BCAS4: variants seen among roughly 807,000 people sequenced by gnomAD.
The protein encoded by BCAS4 is breast carcinoma amplified sequence 4, also known as breast carcinoma-amplified sequence 4.
Under a neutral mutation model 15.7 loss-of-function variants are expected in BCAS4, and 9 were observed. That is an observed-to-expected ratio of 0.57 (90% CI 0.34 to 1.00). The LOEUF is 1.00. Ranked by LOEUF, BCAS4 falls within the 50% of genes least tolerant of loss-of-function variation. The pLI, the probability that BCAS4 is intolerant of heterozygous loss-of-function variation, is 0.02. For missense variants in BCAS4, 225 were observed against 239.1 expected, an observed-to-expected ratio of 0.94 and a Z score of 0.39; for synonymous variants, 101 against 99.5, an observed-to-expected ratio of 1.02 and a Z score of -0.09.
chr20:50,830,798 A>G (rs1028337165), intron 3 of BCAS4, among the ~76,000 whole-genome samples: 23 of 152,154 alleles, frequency 1.5e-4, no homozygotes, highest in African/African-American at 5.6e-4. Flanking sequence ...TACTGTGAGC[A>G]TTGATTGTGC....
intron 4 of BCAS4, among the ~76,000 whole-genome samples, chr20:50,862,151 C>T (rs1441046441): frequency 6.6e-6 from 1 of 151,964 alleles, no homozygotes; most frequent in East Asian, 1.9e-4. Context: ...TTCTTTCCTC[C>T]TTATCCCTCT....
At chr20:50,836,439 G>T (rs2088411523) in intron 3 of BCAS4, among the ~76,000 whole-genome samples, 2 of 152,204 alleles carry the variant, frequency 1.3e-5, no homozygotes, top group African/African-American at 4.8e-5. Flanking sequence ...TCATTGTGAG[G>T]ATTAAATGAG....
intron 2 of BCAS4, among the ~76,000 whole-genome samples, chr20:50,825,501 G>A (rs897082358): frequency 6.6e-6 from 1 of 152,208 alleles, no homozygotes; most frequent in Non-Finnish European, 1.5e-5. Context: ...GTAAACCTCT[G>A]GGCAGATATA....
At chr20:50,875,728 G>A (rs1568689855) in intron 4 of BCAS4, among the ~76,000 whole-genome samples, 1 of 151,882 alleles carries the variant, frequency 6.6e-6, no homozygotes, top group African/African-American at 2.4e-5. Flanking sequence ...GTTGCAGTGA[G>A]CCAAGATGGC....
intron 2 of BCAS4, among the ~76,000 whole-genome samples, chr20:50,828,004 A>G (rs188217929): frequency 7.2e-4 from 109 of 151,772 alleles, no homozygotes; most frequent in South Asian, 4.8e-3. Flanking sequence ...CTGGGATTAC[A>G]GGTGTAAGCC....
At chr20:50,803,819 A>AAG (rs974482298) in intron 1 of BCAS4, among the ~76,000 whole-genome samples, 11 of 150,216 alleles carry the variant, frequency 7.3e-5, no homozygotes, top group African/African-American at 2.5e-4. Flanking sequence ...AAAAAAAAAA[A>AAG]AGAGAGAGAA....
chr20:50,826,991 C>T (rs1212833816), intron 2 of BCAS4, among the ~76,000 whole-genome samples: 1 of 151,844 alleles, frequency 6.6e-6, no homozygotes, highest in Non-Finnish European at 1.5e-5. Flanking sequence ...AAAAAACAAC[C>T]CACGACCCCC....
intron 1 of BCAS4, among the ~76,000 whole-genome samples, chr20:50,810,273 A>G (rs1290167649): frequency 2.6e-5 from 4 of 152,010 alleles, no homozygotes; most frequent in Non-Finnish European, 5.9e-5. Flanking sequence ...TGGGAGTCAC[A>G]GAGCCTTGCT....
At chr20:50,864,751 T>C (rs1271228962) in intron 4 of BCAS4, among the ~76,000 whole-genome samples, 2 of 152,096 alleles carry the variant, frequency 1.3e-5, no homozygotes, top group South Asian at 2.1e-4. Flanking sequence ...TCTGTGTTAT[T>C]CCCCCGGCAC....
intron 2 of BCAS4, among the ~76,000 whole-genome samples, chr20:50,825,510 T>C (rs551004123): frequency 1.6e-3 from 248 of 152,306 alleles, no homozygotes; most frequent in African/African-American, 5.4e-3. Context: ...TGGGCAGATA[T>C]AAACAGTTCC....
intron 1 of BCAS4, among the ~76,000 whole-genome samples, chr20:50,810,958 G>A (rs1028372715): frequency 1.4e-4 from 21 of 152,156 alleles, no homozygotes; most frequent in African/African-American, 2.2e-4. Context: ...CAGGAGGACC[G>A]GGAGTAGGGG....
intron 4 of BCAS4, among the ~76,000 whole-genome samples, chr20:50,875,486 C>T (rs921877263): frequency 5.9e-5 from 9 of 151,746 alleles, no homozygotes; most frequent in African/African-American, 1.5e-4. Context: ...CAGTCCTGGC[C>T]GGGCGCGGTG....
At chr20:50,865,784 C>T (rs1979327562) in intron 4 of BCAS4, among the ~76,000 whole-genome samples, 1 of 152,168 alleles carries the variant, frequency 6.6e-6, no homozygotes, top group Admixed American at 6.5e-5. Flanking sequence ...GGGCCGGTGC[C>T]CACACAAGCT....
At chr20:50,857,179 C>T (rs58766548) in intron 4 of BCAS4, among the ~76,000 whole-genome samples, 39,445 of 152,066 alleles carry the variant, frequency 0.26, 6,475 homozygotes, top group African/African-American at 0.47. Context: ...TTGCCCAGGC[C>T]GGAGTGCAAT....
At chr20:50,847,212 G>A (rs1484369756) in intron 4 of BCAS4, among the ~76,000 whole-genome samples, 2 of 151,960 alleles carry the variant, frequency 1.3e-5, no homozygotes, top group Non-Finnish European at 2.9e-5. Flanking sequence ...TCAGCCTCCC[G>A]AGTAGCTGGG....
chr20:50,830,425 T>C (rs2088330191), intron 3 of BCAS4, 45 bp downstream of exon 3: 3 of 1,524,988 alleles, frequency 2.0e-6, no homozygotes, highest in Admixed American at 1.9e-5. Flanking sequence ...GACTTGATCT[T>C]GCTTTTGCCT....
intron 4 of BCAS4, among the ~76,000 whole-genome samples, chr20:50,855,150 G>C (rs1246589257): frequency 1.3e-5 from 2 of 152,160 alleles, no homozygotes; most frequent in Non-Finnish European, 2.9e-5. Flanking sequence ...TTGACCACTG[G>C]GGGAGGGGCC....
At chr20:50,844,885 G>A (rs1378028781) in intron 4 of BCAS4, among the ~76,000 whole-genome samples, 1 of 152,158 alleles carries the variant, frequency 6.6e-6, no homozygotes, top group Non-Finnish European at 1.5e-5. Flanking sequence ...CTGGCCAGGG[G>A]TGGGTGAGTC....
chr20:50,824,579 A>T (rs2426203), intron 2 of BCAS4, among the ~76,000 whole-genome samples: 30,132 of 152,230 alleles, frequency 0.2, 3,796 homozygotes, highest in African/African-American at 0.36. Context: ...AAGGCGTGCA[A>T]ATGTAAACAC....
Sources: allele counts gnomAD v4.1 joint callset (sites outside exome capture counted in the v4.1 genomes callset), GRCh38; gene constraint gnomAD v4.1.1; transcripts MANE v1.5; gene names NCBI Gene and HGNC (gene_info 2026-07-23, HGNC 2026-07-21).